Variants in COG2 observed in about 807,000 individuals in gnomAD.
COG2 encodes the protein component of oligomeric golgi complex 2.
In COG2, 52 loss-of-function variants were observed where a neutral mutation model predicts 90.6. The observed-to-expected ratio is 0.57, with a 90% CI of 0.46 to 0.72. The LOEUF (loss-of-function observed/expected upper bound fraction) is 0.72, where lower values mean the gene tolerates loss of function less well. Ranked by LOEUF, COG2 falls within the 30% of genes least tolerant of loss-of-function variation. The pLI is 0.00. For missense variants in COG2, 829 were observed against 891.2 expected, an observed-to-expected ratio of 0.93 and a Z score of 0.89; for synonymous variants, 337 against 320.4, an observed-to-expected ratio of 1.05 and a Z score of -0.55.
intron 5 of COG2, 145 bp downstream of exon 5, chr1:230,664,732 G>T: frequency 2.0e-6 from 1 of 509,570 alleles, no homozygotes; most frequent in South Asian, 3.3e-5. Flanking sequence ...AAAGCAGAGT[G>T]CATGAAATGG....
At chr1:230,658,885 A>T (rs986466639) in intron 1 of COG2, among the ~76,000 whole-genome samples, 1 of 152,248 alleles carries the variant, frequency 6.6e-6, no homozygotes, top group African/African-American at 2.4e-5. Flanking sequence ...TACATGGATT[A>T]TGAAAAGACA....
intron 8 of COG2, among the ~76,000 whole-genome samples, chr1:230,673,689 G>A (rs1447624314): frequency 6.6e-6 from 1 of 152,140 alleles, no homozygotes; most frequent in African/African-American, 2.4e-5. Flanking sequence ...ATTTGGAAGT[G>A]TATAATATGA....
intron 15 of COG2, among the ~76,000 whole-genome samples, chr1:230,688,851 G>T (rs1485410486): frequency 6.6e-6 from 1 of 152,096 alleles, no homozygotes; most frequent in East Asian, 1.9e-4. Flanking sequence ...TCAGAAGAAA[G>T]CATTTTAATA....
Position 230,691,177 on chromosome 1 carries a change from A to G in COG2, c.1935-207A>G, listed in dbSNP as rs76266341. Among the ~76,000 whole-genome samples, 600 of 151,906 alleles carry G rather than the reference A, an allele frequency of 3.9e-3. 6 individuals carry two copies. Among genetic ancestry groups the G allele is most frequent in the African/African-American group, 0.014 (569 of 41,456 alleles). On this transcript the variant is annotated intron_variant, in intron 16 of 17. Transcript: ENST00000366669. ...CTTAAGACCATATGTGTGTGTGTGT[A>G]TATATATATACGTATATACATGTAT...
chr1:230,667,980 C>T (rs1259156072), intron 5 of COG2, among the ~76,000 whole-genome samples: 1 of 152,114 alleles, frequency 6.6e-6, no homozygotes, highest in Non-Finnish European at 1.5e-5. Flanking sequence ...GTAAAGAATG[C>T]CCTCTCACTA....
chr1:230,677,936 T>C (rs1373164881), intron 9 of COG2: 1 of 739,900 alleles, frequency 1.4e-6, no homozygotes, highest in Admixed American at 6.3e-5. Flanking sequence ...ATCCCTATTT[T>C]TGTCTCAACT....
At chr1:230,678,571 A>G in intron 9 of COG2, 1 of 1,207,650 alleles carries the variant, frequency 8.3e-7, no homozygotes, top group Non-Finnish European at 1.0e-6. Flanking sequence ...GGCAATGACG[A>G]ACTATGTCAT....
At chr1:230,663,291 G>T in intron 4 of COG2, 70 bp downstream of exon 4, 4 of 1,185,788 alleles carry the variant, frequency 3.4e-6, no homozygotes, top group Non-Finnish European at 4.9e-6. Flanking sequence ...GCACTTTCAG[G>T]CATATGGTCT....
intron 1 of COG2, among the ~76,000 whole-genome samples, chr1:230,649,901 G>A (rs1329150230): frequency 6.6e-6 from 1 of 152,084 alleles, no homozygotes. Context: ...AGTCCCCAGT[G>A]TCTATTAATT....
chr1:230,654,131 G>A (rs537796993), intron 1 of COG2, among the ~76,000 whole-genome samples: 30 of 152,170 alleles, frequency 2.0e-4, no homozygotes, highest in Non-Finnish European at 3.8e-4. Context: ...ATTAGATTCC[G>A]TTTGTCAATT....
chr1:230,644,022 T>C (rs1490096289), intron 1 of COG2, among the ~76,000 whole-genome samples: 1 of 152,188 alleles, frequency 6.6e-6, no homozygotes, highest in African/African-American at 2.4e-5. Flanking sequence ...GTCCATCTCT[T>C]GACTTCTTAA....
chr1:230,692,352 GA>G (rs201583490), intron 17 of COG2, among the ~76,000 whole-genome samples: 7,501 of 131,972 alleles, frequency 0.057, 568 homozygotes, highest in African/African-American at 0.18. Context: ...AATAGAAAAA[GA>G]AAAAAAAAAA....
intron 12 of COG2, among the ~76,000 whole-genome samples, chr1:230,685,611 A>C (rs1347089678): frequency 6.6e-6 from 1 of 152,230 alleles, no homozygotes; most frequent in East Asian, 1.9e-4. Flanking sequence ...TTTAATACTT[A>C]ATATTTGGAA....
Position 230,642,586 on chromosome 1 carries a change from T to TGAGAGGCGGTGGCCGGCGG in COG2, c.-18_1dup, listed in dbSNP as rs1661648240. 6.2e-7 allele frequency: 1 copy of TGAGAGGCGGTGGCCGGCGG among 1,607,828 alleles called. No homozygotes were observed. The highest frequency in any genetic ancestry group is 1.7e-5 in the Admixed American group (1 of 59,310). On this transcript the variant is annotated 5_prime_UTR_variant, in exon 1 of 18. Transcript: ENST00000366669. ...CGTTTTCTCGCTTGGATCTTGGCAC[T>TGAGAGGCGGTGGCCGGCGG]GAGAGGCGGTGGCCGGCGGGATGGA... is the stretch of plus-strand genomic sequence containing the variant.
In COG2 at chr1:230,683,983, G is replaced by C. The variant is rs568169375; in HGVS notation, c.1228+348G>C. Among the ~76,000 whole-genome samples the C allele has an allele frequency of 4.3e-4, 65 of 151,880 alleles. 1 individual carries two copies. Among genetic ancestry groups the C allele is most frequent in the African/African-American group, 1.3e-3 (54 of 41,416 alleles). On this transcript the variant is annotated intron_variant, in intron 11 of 17. Coordinates refer to ENST00000366669, the MANE Select transcript of COG2 (RefSeq NM_007357.3). ...ATTTTTTTATTTTTAGCAGAGACAG[G>C]GTTTCACCATGTTGGCCAGGCTGGT...
intron 10 of COG2, chr1:230,683,046 G>A (rs1399078154): frequency 6.5e-6 from 1 of 153,042 alleles, no homozygotes; most frequent in Non-Finnish European, 1.5e-5. Context: ...AAGTACCATG[G>A]ACGTGGGAGA....
intron 2 of COG2, among the ~76,000 whole-genome samples, chr1:230,659,831 TA>T (rs968438045): frequency 1.6e-4 from 24 of 152,350 alleles, no homozygotes; most frequent in African/African-American, 5.3e-4. Context: ...CTAAATTAAA[TA>T]TTTTTTTAAT....
chr1:230,685,788 C>T (rs1050382359), intron 12 of COG2, among the ~76,000 whole-genome samples: 4 of 152,196 alleles, frequency 2.6e-5, no homozygotes, highest in African/African-American at 9.7e-5. Flanking sequence ...GGCGTTGGTC[C>T]AGTCCTGTGC....
rs145576634 is a variant in COG2 at position 230,659,590 on chromosome 1, G to T, written c.199G>T (p.Asp67Tyr). ...AGCCATGGTCGAACTCATCAACAAG[G>T]ATTATGCAGATTTTGTCAATCTTTC... ...KTAMVELINK[D>Y]YADFVNLSTN... is the part of the protein sequence containing the mutation. The change falls in exon 2 of 18, where the codon GAT (aspartate) becomes TAT (tyrosine). Residue 67 changes from aspartate (D) to tyrosine (Y), a missense_variant. Physicochemically the swap from Asp to Tyr is radical, Grantham distance 160. Transcript: ENST00000366669. 1 of 1,613,662 alleles carries T rather than the reference G, an allele frequency of 6.2e-7. No individual in the cohort carries two copies. The highest frequency in any genetic ancestry group is 2.2e-5 in the East Asian group (1 of 44,852).
Sources: gnomAD v4.1 joint callset for allele counts (sites outside exome capture counted in the v4.1 genomes callset) on GRCh38, gnomAD v4.1.1 for gene constraint, MANE v1.5 for transcripts, NCBI Gene and HGNC (gene_info 2026-07-23, HGNC 2026-07-21) for gene names.